ZBTB43: variants seen among roughly 807,000 people sequenced by gnomAD.
ZBTB43 encodes zinc finger and BTB domain containing 43, also known as zinc finger and BTB domain-containing protein 43.
ZBTB43 carries 6 observed loss-of-function variants against 31.1 expected under a neutral mutation model. That is an observed-to-expected ratio of 0.19 (90% CI 0.11 to 0.38). The LOEUF (loss-of-function observed/expected upper bound fraction) is 0.38. ZBTB43 is among the 10% of genes least tolerant of loss of function. The pLI is 1.00. For synonymous variants in ZBTB43, 212 were observed against 221.7 expected, an observed-to-expected ratio of 0.96 and a Z score of 0.39; for missense variants, 379 against 602.1, an observed-to-expected ratio of 0.63 and a Z score of 3.88.
In ZBTB43 at chr9:126,826,454, C is replaced by CTTTTTTTT. The variant is rs35094731; in HGVS notation, c.-23-6013_-23-6006dup. ...GCGCCACCACTCCTGGCCCCCCCGC[C>CTTTTTTTT]TTTTTTTTTTTTTTTTTTTTTTTTT... is the stretch of plus-strand genomic sequence containing the variant. On this transcript the variant is annotated intron_variant, in intron 2 of 2. Coordinates refer to ENST00000373464, the MANE Select transcript of ZBTB43 (RefSeq NM_014007.4). 9.3e-5 allele frequency among the ~76,000 whole-genome samples: 5 copies of CTTTTTTTT among 53,598 alleles called. 1 individual carries two copies. Among genetic ancestry groups the CTTTTTTTT allele is most frequent in the Non-Finnish European group, 1.1e-4 (3 of 26,700 alleles). The allele number at this position is 53,598 out of a possible 152,430, so 35.2% of individuals were successfully genotyped here.
At chr9:126,821,506 C>T (rs2032508228) in intron 2 of ZBTB43, among the ~76,000 whole-genome samples, 1 of 152,182 alleles carries the variant, frequency 6.6e-6, no homozygotes, top group African/African-American at 2.4e-5. Flanking sequence ...TTGATTCCAA[C>T]CCTCATGGAT....
chr9:126,807,716 A>T (rs1008980215), intron 1 of ZBTB43, among the ~76,000 whole-genome samples: 11 of 151,926 alleles, frequency 7.2e-5, no homozygotes, highest in Non-Finnish European at 1.6e-4. Context: ...GCTCACTGCA[A>T]CCTCCGCCTC....
At chr9:126,820,886 T>G (rs1416553943) in intron 2 of ZBTB43, among the ~76,000 whole-genome samples, 1 of 142,654 alleles carries the variant, frequency 7.0e-6, no homozygotes, top group Non-Finnish European at 1.5e-5. Flanking sequence ...GAGGATCACG[T>G]GAGCCAGAGA....
rs928477969 is a variant in ZBTB43 at position 126,834,809 on chromosome 9, C to T, written c.*896C>T. 1 of 166,996 alleles carries T rather than the reference C, an allele frequency of 6.0e-6. No homozygotes were observed. The highest frequency in any genetic ancestry group is 1.5e-5 in the Non-Finnish European group (1 of 68,114). The allele number at this position is 166,996 out of a possible 1,614,324, so 10.3% of individuals were successfully genotyped here. A position where few individuals can be genotyped will look rare whatever the true frequency, so the allele number is the denominator to read the frequency against. ...CACGGTACCACGGGCTGCCACAGCCCCTGCTCTGTCTTAGATTATGGTGCT... is the reference window on the plus strand; with the variant it reads ...CACGGTACCACGGGCTGCCACAGCCTCTGCTCTGTCTTAGATTATGGTGCT... On this transcript the variant is annotated 3_prime_UTR_variant, in exon 3 of 3. Coordinates refer to ENST00000373464, the MANE Select transcript of ZBTB43 (RefSeq NM_014007.4).
Position 126,832,524 on chromosome 9 carries a change from A to T in ZBTB43, c.15A>T (p.Thr5=), listed in dbSNP as rs372479585. Residue 5 remains threonine, a synonymous_variant, in exon 3 of 3, where the codon ACA becomes ACT. Coordinates refer to ENST00000373464, the MANE Select transcript of ZBTB43 (RefSeq NM_014007.4). MEPG[T]NSFRVEFPDF... ...TTTGTGATGAAATGGAGCCTGGAAC[A>T]AACTCTTTTCGGGTAGAATTTCCTG... 5.6e-6 allele frequency: 9 copies of T among 1,606,094 alleles called. No homozygotes were observed. The Admixed American group carries it at 6.7e-5, about 12-fold the overall frequency.
In ZBTB43 at chr9:126,833,909, A is replaced by G; in HGVS notation, c.1400A>G (p.Asn467Ser). 1 of 1,573,066 alleles carries G rather than the reference A, an allele frequency of 6.4e-7. No homozygotes were observed. Among genetic ancestry groups the G allele is most frequent in the Non-Finnish European group, 8.7e-7 (1 of 1,150,820 alleles). The change falls in exon 3 of 3, where the codon AAC becomes AGC. Residue 467 changes from asparagine to serine, a missense_variant. This residue lies in a region of ZBTB43 where 21 missense variants were observed against 22.4 expected (regional missense o/e 0.94). Transcript: ENST00000373464. This position sits in a 1 kb window ranked among gnomAD's most constrained non-coding sequence, Gnocchi z 7.9. The part of the protein sequence containing the change: ...AKAEQNTTEA[N>S] ...GCTGAGCAGAATACAACTGAGGCTAACTAAAAATAGGATCTGGCCCTTGAG... is the reference window on the plus strand; with the variant it reads ...GCTGAGCAGAATACAACTGAGGCTAGCTAAAAATAGGATCTGGCCCTTGAG...
Position 126,833,592 on chromosome 9 carries a change from T to C in ZBTB43, c.1083T>C (p.Ala361=), listed in dbSNP as rs773481759. Reference sequence around the variant, plus strand: ...TGGTAACAGGGATTAAAGAAGAAGCTTCCCACTTAGGATTCTCAGCCACTG... The same window carrying C: ...TGGTAACAGGGATTAAAGAAGAAGCCTCCCACTTAGGATTCTCAGCCACTG... ...IEMVTGIKEE[A]SHLGFSATDK... Residue 361 remains alanine, a synonymous_variant, in exon 3 of 3, where the codon GCT becomes GCC. Transcript: ENST00000373464. The surrounding 1 kb of genome is among the most constrained non-coding windows in gnomAD (Gnocchi z 7.9). 3 of 1,614,066 alleles carry C rather than the reference T, an allele frequency of 1.9e-6. No homozygotes were observed. The highest frequency in any genetic ancestry group is 2.2e-5 in the South Asian group (2 of 91,080).
intron 2 of ZBTB43, among the ~76,000 whole-genome samples, chr9:126,829,808 G>T (rs1410670189): frequency 6.6e-6 from 1 of 151,966 alleles, no homozygotes; most frequent in East Asian, 1.9e-4. Flanking sequence ...ATCTAGCAGA[G>T]AATCTGTTCA....
rs2032851035 is a variant in ZBTB43 at position 126,835,016 on chromosome 9, G to A, written c.*1103G>A. On this transcript the variant is annotated 3_prime_UTR_variant, in exon 3 of 3. Coordinates refer to ENST00000373464, the MANE Select transcript of ZBTB43 (RefSeq NM_014007.4). ...ACTTAAGGGGGACAAAACTGCCCAA[G>A]AAGAATCTTGAGAATACACTCTTTC... 1 of 167,012 alleles carries A rather than the reference G, an allele frequency of 6.0e-6. No individual in the cohort carries two copies. The highest frequency in any genetic ancestry group is 2.4e-5 in the African/African-American group (1 of 41,408). The allele number at this position is 167,012 out of a possible 1,614,324, so 10.3% of individuals were successfully genotyped here.
At chr9:126,811,979 GT>G (rs113608944) in intron 2 of ZBTB43, among the ~76,000 whole-genome samples, 18 of 149,062 alleles carry the variant, frequency 1.2e-4, no homozygotes, top group Non-Finnish European at 2.2e-4. Context: ...TAATAAAGAG[GT>G]TTTTTTTTTG....
Position 126,833,477 on chromosome 9 carries a change from A to G in ZBTB43, c.968A>G (p.Glu323Gly). ...GTGGATTTCTATGGCTCTTCCATGG[A>G]AGAGTTTTCCGGAGAGAGGTCAGAT... ...EQVDFYGSSM[E>G]EFSGERSDGN... is the part of the protein sequence containing the mutation. The change falls in exon 3 of 3, where the codon GAA becomes GGA. Residue 323 changes from glutamate to glycine, a missense_variant. Physicochemically the swap from Glu to Gly is moderately conservative, Grantham distance 98. Around this residue, in one of 5 missense-constraint regions of ZBTB43, gnomAD observed 253 missense variants for 322.3 expected, o/e 0.79. Coordinates refer to ENST00000373464, the MANE Select transcript of ZBTB43 (RefSeq NM_014007.4). This position sits in a 1 kb window ranked among gnomAD's most constrained non-coding sequence, Gnocchi z 7.9. The G allele has an allele frequency of 1.9e-6, 3 of 1,614,156 alleles. No individual in the cohort carries two copies. The highest frequency in any genetic ancestry group is 2.5e-6 in the Non-Finnish European group (3 of 1,180,030).
rs1554742734 is a variant in ZBTB43 at position 126,828,651 on chromosome 9, A to ATT, written c.-23-3836_-23-3835insTT. Among the ~76,000 whole-genome samples, 765 of 126,440 alleles carry ATT rather than the reference A, an allele frequency of 6.1e-3. 7 individuals carry two copies. Among genetic ancestry groups the ATT allele is most frequent in the Non-Finnish European group, 9.2e-3 (541 of 59,014 alleles). 82.9% of individuals were successfully genotyped at this position (126,440 alleles called of 152,430 possible). ...TCTAAATAATAATAATAATAATAAT[A>ATT]ATAATTATTATTATTATTATTATTA... On this transcript the variant is annotated intron_variant, in intron 2 of 2. Coordinates refer to ENST00000373464, the MANE Select transcript of ZBTB43 (RefSeq NM_014007.4).
At chr9:126,815,208 A>ATT (rs1444659003) in intron 2 of ZBTB43, among the ~76,000 whole-genome samples, 3 of 146,152 alleles carry the variant, frequency 2.1e-5, no homozygotes, top group African/African-American at 7.5e-5. Flanking sequence ...TTTTCAATAT[A>ATT]TAAAACTATA....
At chr9:126,816,823 C>A (rs2032395755) in intron 2 of ZBTB43, among the ~76,000 whole-genome samples, 1 of 152,202 alleles carries the variant, frequency 6.6e-6, no homozygotes, top group Non-Finnish European at 1.5e-5. Context: ...GCCCAACTGG[C>A]AAATGATGGC....
At chr9:126,826,454 C>CTTTTTTTTTTTTTTTTTTT (rs35094731) in intron 2 of ZBTB43, among the ~76,000 whole-genome samples, 4 of 53,598 alleles carry the variant, frequency 7.5e-5, no homozygotes, top group East Asian at 9.9e-4. Flanking sequence ...GCCCCCCCGC[C>CTTTTTTTTTTTTTTTTTTT]TTTTTTTTTT....
At chr9:126,828,778 ATC>A (rs2032707089) in intron 2 of ZBTB43, among the ~76,000 whole-genome samples, 1 of 151,926 alleles carries the variant, frequency 6.6e-6, no homozygotes. Context: ...TGGCAAAAAA[ATC>A]TATAAAATCA....
At chr9:126,805,214 C>G (rs2032096076) in intron 1 of ZBTB43, 82 bp downstream of exon 1, 1 of 152,820 alleles carries the variant, frequency 6.5e-6, no homozygotes, top group Non-Finnish European at 1.5e-5. Context: ...CAGCAGGCCC[C>G]GACGCTCGCG....
chr9:126,812,568 C>T (rs767039182), intron 2 of ZBTB43, among the ~76,000 whole-genome samples: 9 of 151,824 alleles, frequency 5.9e-5, no homozygotes, highest in Non-Finnish European at 7.3e-5. Context: ...CACATCCTCA[C>T]CGACACCTGT....
At chr9:126,830,140 C>G (rs1339194623) in intron 2 of ZBTB43, among the ~76,000 whole-genome samples, 1 of 152,146 alleles carries the variant, frequency 6.6e-6, no homozygotes, top group African/African-American at 2.4e-5. Flanking sequence ...AGCTTTTAAC[C>G]TTGGGAAAGT....
Sources: allele counts gnomAD v4.1 joint callset (sites outside exome capture counted in the v4.1 genomes callset), GRCh38; gene constraint gnomAD v4.1.1; regional missense constraint gnomAD v4.1.1; non-coding constraint Gnocchi (gnomAD v3.1); transcripts MANE v1.5; gene names NCBI Gene and HGNC (gene_info 2026-07-23, HGNC 2026-07-21).